Variants in SAMTOR observed in about 807,000 individuals in gnomAD.
SAMTOR encodes S-adenosylmethionine sensor upstream of mTORC1.
the SAMTOR span, among the ~76,000 whole-genome samples, chr7:112,848,991 G>A: frequency 6.6e-6 from 1 of 151,030 alleles, no homozygotes; most frequent in Non-Finnish European, 1.5e-5. Context: ...AGAGGTTGCA[G>A]TGATCCAAGA....
the SAMTOR span, among the ~76,000 whole-genome samples, chr7:112,907,349 T>C: frequency 6.6e-6 from 1 of 152,072 alleles, no homozygotes; most frequent in African/African-American, 2.4e-5. Context: ...AGGTCAGAGA[T>C]TTAATGTAAT....
At chr7:112,868,487 T>C in the SAMTOR span, among the ~76,000 whole-genome samples, 1 of 152,292 alleles carries the variant, frequency 6.6e-6, no homozygotes. Context: ...TAGTTATCTG[T>C]ATAACCCAGG....
the SAMTOR span, among the ~76,000 whole-genome samples, chr7:112,881,101 C>T: frequency 3.9e-5 from 6 of 152,162 alleles, no homozygotes; most frequent in South Asian, 2.1e-4. Context: ...CTGCTCCTGC[C>T]GCCCACTCCA....
chr7:112,840,383 G>A, the SAMTOR span, among the ~76,000 whole-genome samples: 1 of 151,834 alleles, frequency 6.6e-6, no homozygotes, highest in East Asian at 1.9e-4. Flanking sequence ...TATTACTGGT[G>A]TATATCTGTT....
At chr7:112,870,053 T>C in the SAMTOR span, among the ~76,000 whole-genome samples, 1 of 152,202 alleles carries the variant, frequency 6.6e-6, no homozygotes, top group African/African-American at 2.4e-5. Flanking sequence ...TAAGGGATTA[T>C]GTAAAGCGAT....
the SAMTOR span, among the ~76,000 whole-genome samples, chr7:112,828,530 CCT>C: frequency 3.3e-5 from 5 of 152,138 alleles, no homozygotes; most frequent in East Asian, 3.8e-4. Flanking sequence ...TGTAATCACC[CCT>C]GTTTAATTTG....
At chr7:112,896,198 CGCGCACGCGCGTGTGT>C in the SAMTOR span, among the ~76,000 whole-genome samples, 5 of 151,716 alleles carry the variant, frequency 3.3e-5, no homozygotes, top group African/African-American at 9.7e-5. Context: ...TGCGTGCACG[CGCGCACGCGCGTGTGT>C]GTGTTTGTAT....
the SAMTOR span, among the ~76,000 whole-genome samples, chr7:112,914,566 A>G: frequency 6.6e-6 from 1 of 152,088 alleles, no homozygotes; most frequent in Non-Finnish European, 1.5e-5. Context: ...GTCAATATAA[A>G]TGCTGGAATA....
the SAMTOR span, among the ~76,000 whole-genome samples, chr7:112,898,928 T>C: frequency 6.6e-6 from 1 of 152,198 alleles, no homozygotes; most frequent in Admixed American, 6.5e-5. Flanking sequence ...GGTAATACTT[T>C]AGATAAACTC....
At chr7:112,820,036 A>G in the SAMTOR span, 1 of 152,490 alleles carries the variant, frequency 6.6e-6, no homozygotes, top group Non-Finnish European at 1.5e-5. Context: ...CCTAAATATT[A>G]AAGAATCTTA....
the SAMTOR span, among the ~76,000 whole-genome samples, chr7:112,823,451 TATATAA>T: frequency 1.3e-5 from 2 of 152,214 alleles, no homozygotes; most frequent in African/African-American, 4.8e-5. Flanking sequence ...CCTAGAATTT[TATATAA>T]ATAATCATTT....
the SAMTOR span, among the ~76,000 whole-genome samples, chr7:112,846,762 T>C: frequency 6.6e-6 from 1 of 152,218 alleles, no homozygotes. Context: ...TATTCATACA[T>C]TTTATTTTCC....
At chr7:112,890,793 T>C in the SAMTOR span, among the ~76,000 whole-genome samples, 3 of 151,998 alleles carry the variant, frequency 2.0e-5, no homozygotes, top group African/African-American at 7.2e-5. Context: ...CAGGCTCAAG[T>C]GATCCTTTCG....
the SAMTOR span, among the ~76,000 whole-genome samples, chr7:112,927,045 G>C: frequency 2.0e-5 from 3 of 151,816 alleles, no homozygotes; most frequent in African/African-American, 7.3e-5. Context: ...TTATTAAAAA[G>C]GAATGAGAAA....
chr7:112,834,280 T>C, the SAMTOR span, among the ~76,000 whole-genome samples: 1 of 152,198 alleles, frequency 6.6e-6, no homozygotes, highest in African/African-American at 2.4e-5. Context: ...TTTTGATCAT[T>C]TTCTCTAAAA....
the SAMTOR span, among the ~76,000 whole-genome samples, chr7:112,896,192 TGCACGC>T: frequency 3.4e-4 from 52 of 152,004 alleles, 1 homozygote; most frequent in Admixed American, 2.9e-3. Context: ...TGAGTGTGCG[TGCACGC>T]GCGCACGCGC....
the SAMTOR span, among the ~76,000 whole-genome samples, chr7:112,865,345 T>G: frequency 6.6e-6 from 1 of 151,926 alleles, no homozygotes; most frequent in Non-Finnish European, 1.5e-5. Flanking sequence ...TGGTGCAATC[T>G]CAGCTCACTG....
At chr7:112,890,815 C>CT in the SAMTOR span, among the ~76,000 whole-genome samples, 1 of 151,796 alleles carries the variant, frequency 6.6e-6, no homozygotes, top group Non-Finnish European at 1.5e-5. Flanking sequence ...TTTAGCCTCC[C>CT]GAGTAGCTAG....
At chr7:112,906,570 TA>T in the SAMTOR span, among the ~76,000 whole-genome samples, 49 of 65,548 alleles carry the variant, frequency 7.5e-4, no homozygotes, top group Middle Eastern at 0.031. Flanking sequence ...TGGAAAGACA[TA>T]TCTTTTTTTT....
Sources: gnomAD v4.1 joint callset for allele counts (sites outside exome capture counted in the v4.1 genomes callset) on GRCh38, gnomAD v4.1.1 for gene constraint, MANE v1.5 for transcripts, NCBI Gene and HGNC (gene_info 2026-07-23, HGNC 2026-07-21) for gene names.